The following GRM8 variants were observed in gnomAD, a reference collection of about 807,000 sequenced individuals.
The protein encoded by GRM8 is glutamate metabotropic receptor 8, also known as metabotropic glutamate receptor 8.
Under a neutral mutation model 87.2 loss-of-function variants are expected in GRM8, and 47 were observed. The ratio of observed to expected loss-of-function variants is 0.54; its 90% CI spans 0.43 to 0.69. GRM8 has a LOEUF of 0.69. GRM8 is among the 30% of genes least tolerant of loss of function. The pLI is 0.00. For missense variants in GRM8, 1,019 were observed against 1,139.2 expected (o/e 0.89, Z 1.52); for synonymous variants, 396 against 404.5 (o/e 0.98, Z 0.25).
intron 6 of GRM8, among the ~76,000 whole-genome samples, chr7:126,872,510 A>G (rs1799189273): frequency 6.6e-6 from 1 of 152,176 alleles, no homozygotes; most frequent in African/African-American, 2.4e-5. Flanking sequence ...TGAAGCCTCT[A>G]TTTTAAAGTT....
At chr7:126,489,293 C>T (rs945864054) in intron 9 of GRM8, among the ~76,000 whole-genome samples, 1 of 151,996 alleles carries the variant, frequency 6.6e-6, no homozygotes, top group Admixed American at 6.6e-5. Flanking sequence ...TACCCTGAGT[C>T]CTGCACATTA....
chr7:126,770,157 T>C (rs941003246), intron 6 of GRM8, 92 bp from the exon 7 acceptor site: 14 of 786,804 alleles, frequency 1.8e-5, no homozygotes, highest in African/African-American at 5.2e-5. Context: ...TGAGGAACAC[T>C]TAATGAGACA....
intron 9 of GRM8, among the ~76,000 whole-genome samples, chr7:126,509,343 A>G (rs1810979624): frequency 6.6e-6 from 1 of 152,040 alleles, no homozygotes; most frequent in South Asian, 2.1e-4. Flanking sequence ...ACTTGAGGCA[A>G]TAAAGGTCAT....
intron 3 of GRM8, among the ~76,000 whole-genome samples, chr7:127,010,178 G>C (rs1016879333): frequency 6.6e-6 from 1 of 152,046 alleles, no homozygotes; most frequent in African/African-American, 2.4e-5. Flanking sequence ...TCTAATATTT[G>C]CCAAACTCTC....
intron 9 of GRM8, 105 bp from the exon 10 acceptor site, chr7:126,446,477 G>T: frequency 1.4e-6 from 1 of 739,984 alleles, no homozygotes; most frequent in Non-Finnish European, 2.2e-6. Flanking sequence ...TCTGCTAAAG[G>T]CACATTAAAA....
At chr7:127,044,732 T>C (rs1269536201) in intron 3 of GRM8, among the ~76,000 whole-genome samples, 2 of 152,118 alleles carry the variant, frequency 1.3e-5, no homozygotes, top group Admixed American at 1.3e-4. Flanking sequence ...GGTAATTAAA[T>C]GGGACATAAC....
chr7:126,707,488 C>G (rs1810646405), intron 7 of GRM8, among the ~76,000 whole-genome samples: 1 of 152,062 alleles, frequency 6.6e-6, no homozygotes, highest in Non-Finnish European at 1.5e-5. Context: ...CTTCATTTAA[C>G]TAGACTTTCT....
chr7:126,927,474 A>C (rs1474883081), intron 3 of GRM8, among the ~76,000 whole-genome samples: 3 of 152,132 alleles, frequency 2.0e-5, no homozygotes, highest in African/African-American at 7.2e-5. Context: ...GGCTCTTTTA[A>C]GTTTCTGCTA....
intron 9 of GRM8, among the ~76,000 whole-genome samples, chr7:126,514,839 A>C (rs1008710822): frequency 2.0e-5 from 3 of 152,040 alleles, no homozygotes. Context: ...TTTCTGTATC[A>C]ACCAAATTCT....
At chr7:127,037,832 CGTGTGTGTGTGT>C (rs367605693) in intron 3 of GRM8, among the ~76,000 whole-genome samples, 1 of 147,324 alleles carries the variant, frequency 6.8e-6, no homozygotes, top group Non-Finnish European at 1.5e-5. Context: ...CATGCGCATC[CGTGTGTGTGTGT>C]GTGTGTGTGT....
intron 6 of GRM8, among the ~76,000 whole-genome samples, chr7:126,788,420 A>AAAAAAAAAAAAACAAAAAACAAAAAAC: frequency 0.19 from 15,483 of 80,936 alleles, 2,779 homozygotes; most frequent in South Asian, 0.29. Context: ...AAAAAAAAAA[A>AAAAAAAAAAAAACAAAAAACAAAAAAC]AAACCCTTTC....
intron 6 of GRM8, among the ~76,000 whole-genome samples, chr7:126,863,965 T>G (rs910648607): frequency 2.0e-5 from 3 of 151,060 alleles, no homozygotes; most frequent in Non-Finnish European, 4.4e-5. Flanking sequence ...TTTTTCATTT[T>G]TAATTATTAT....
At chr7:126,656,306 C>T (rs897639041) in intron 7 of GRM8, among the ~76,000 whole-genome samples, 4 of 152,096 alleles carry the variant, frequency 2.6e-5, no homozygotes, top group Non-Finnish European at 5.9e-5. Context: ...GCCTTGACGG[C>T]CTGGGGCATC....
At chr7:126,490,502 T>C (rs1807883490) in intron 9 of GRM8, among the ~76,000 whole-genome samples, 1 of 152,030 alleles carries the variant, frequency 6.6e-6, no homozygotes. Flanking sequence ...CTTTTAAAAT[T>C]AGGTTAGAAG....
At chr7:127,098,649 T>A (rs1395229825) in intron 3 of GRM8, among the ~76,000 whole-genome samples, 2 of 152,140 alleles carry the variant, frequency 1.3e-5, no homozygotes, top group Non-Finnish European at 2.9e-5. Context: ...ATTAAATTGG[T>A]TTCTTACATT....
At chr7:126,941,937 A>G (rs1035348585) in intron 3 of GRM8, among the ~76,000 whole-genome samples, 1 of 152,208 alleles carries the variant, frequency 6.6e-6, no homozygotes, top group East Asian at 1.9e-4. Flanking sequence ...TCTTTAAACA[A>G]CAAAAATTGG....
intron 3 of GRM8, among the ~76,000 whole-genome samples, chr7:127,067,066 T>A (rs894028448): frequency 3.3e-5 from 5 of 152,204 alleles, no homozygotes; most frequent in African/African-American, 1.2e-4. Context: ...CACTCTGATG[T>A]GATAAAGGCC....
At chr7:126,569,089 CAA>C (rs1794480736) in intron 8 of GRM8, among the ~76,000 whole-genome samples, 1 of 152,148 alleles carries the variant, frequency 6.6e-6, no homozygotes, top group Admixed American at 6.5e-5. Context: ...TATACTTCTT[CAA>C]ATTGTTTTCT....
At chr7:126,643,459 C>T (rs1384042925) in intron 7 of GRM8, among the ~76,000 whole-genome samples, 1 of 148,448 alleles carries the variant, frequency 6.7e-6, no homozygotes, top group Non-Finnish European at 1.5e-5. Flanking sequence ...AATATATACA[C>T]ATATAATTAA....
Sources: gnomAD v4.1 joint callset for allele counts (sites outside exome capture counted in the v4.1 genomes callset) on GRCh38, gnomAD v4.1.1 for gene constraint, MANE v1.5 for transcripts, NCBI Gene and HGNC (gene_info 2026-07-23, HGNC 2026-07-21) for gene names.